Variants in PRR5L observed in about 807,000 individuals in gnomAD.
PRR5L encodes the protein proline-rich protein 5-like.
In PRR5L, 21 loss-of-function variants were observed where a neutral mutation model predicts 36.4. The ratio of observed to expected loss-of-function variants is 0.58; its 90% CI spans 0.41 to 0.83. The LOEUF is 0.83. PRR5L is among the 40% of genes least tolerant of loss of function. PRR5L has a pLI of 0.00. For synonymous variants in PRR5L, 188 were observed against 197.0 expected (o/e 0.95, Z 0.38); for missense variants, 381 against 473.3 (o/e 0.80, Z 1.81).
intron 8 of PRR5L, among the ~76,000 whole-genome samples, chr11:36,461,227 G>A (rs1859171139): frequency 2.6e-5 from 4 of 152,188 alleles, no homozygotes; most frequent in Admixed American, 2.0e-4. Flanking sequence ...CTGGAAAGTG[G>A]AAACTGATAC....
intron 1 of PRR5L, chr11:36,375,944 C>T (rs1857250314): frequency 5.5e-6 from 2 of 363,840 alleles, no homozygotes; most frequent in African/African-American, 2.1e-5. Flanking sequence ...TCTTCAGCTC[C>T]GCCCTGCTCC....
At chr11:36,406,138 C>G (rs567723799) in intron 3 of PRR5L, among the ~76,000 whole-genome samples, 3 of 151,442 alleles carry the variant, frequency 2.0e-5, no homozygotes, top group African/African-American at 7.3e-5. Flanking sequence ...TTCCCGAGGT[C>G]TCTGTGAGCC....
intron 1 of PRR5L, among the ~76,000 whole-genome samples, chr11:36,310,057 T>C (rs1415485480): frequency 7.0e-5 from 2 of 28,650 alleles, no homozygotes; most frequent in East Asian, 1.6e-3. Context: ...TTGTGTCCTC[T>C]CAAAAGAACA....
chr11:36,434,547 T>A (rs1045447328), intron 5 of PRR5L, among the ~76,000 whole-genome samples: 1 of 152,210 alleles, frequency 6.6e-6, no homozygotes, highest in South Asian at 2.1e-4. Context: ...GAAGATGCCA[T>A]GTTAACTTCA....
chr11:36,376,062 C>A, intron 1 of PRR5L: 2 of 931,888 alleles, frequency 2.1e-6, no homozygotes, highest in Non-Finnish European at 3.0e-6. Flanking sequence ...GTGAGAGAAA[C>A]GCAAGCACGG....
chr11:36,360,171 G>GCTA (rs931664807), intron 1 of PRR5L, among the ~76,000 whole-genome samples: 4 of 151,774 alleles, frequency 2.6e-5, no homozygotes, highest in Non-Finnish European at 5.9e-5. Flanking sequence ...ATGAAATATT[G>GCTA]CTACCTTGTG....
chr11:36,449,349 C>G (rs1858897581), intron 7 of PRR5L, among the ~76,000 whole-genome samples: 1 of 152,216 alleles, frequency 6.6e-6, no homozygotes, highest in Non-Finnish European at 1.5e-5. Context: ...TTTTTCAAAA[C>G]TACCTGACCC....
At chr11:36,348,422 C>T (rs1365885794) in intron 1 of PRR5L, among the ~76,000 whole-genome samples, 1 of 152,104 alleles carries the variant, frequency 6.6e-6, no homozygotes, top group Non-Finnish European at 1.5e-5. Context: ...AGTTCCCTGC[C>T]TCACCTTTCT....
intron 1 of PRR5L, among the ~76,000 whole-genome samples, chr11:36,319,442 G>T (rs1411882452): frequency 6.6e-6 from 1 of 152,228 alleles, no homozygotes; most frequent in Non-Finnish European, 1.5e-5. Flanking sequence ...CTAAGTCAGG[G>T]ATTGGCAAAC....
At chr11:36,431,283 T>G (rs890264) in intron 4 of PRR5L, among the ~76,000 whole-genome samples, 135,290 of 152,084 alleles carry the variant, frequency 0.89, 60,300 homozygotes, top group Middle Eastern at 0.93. Flanking sequence ...AGGATATAAA[T>G]CTTATGATGT....
At chr11:36,401,557 T>C (rs986268402) in intron 2 of PRR5L, among the ~76,000 whole-genome samples, 1 of 152,102 alleles carries the variant, frequency 6.6e-6, no homozygotes, top group Non-Finnish European at 1.5e-5. Context: ...CCCGAGTAGC[T>C]GGGACTACAG....
intron 1 of PRR5L, among the ~76,000 whole-genome samples, chr11:36,367,000 T>C (rs2133507593): frequency 6.6e-6 from 1 of 152,330 alleles, no homozygotes; most frequent in East Asian, 1.9e-4. Context: ...ATATATCCAA[T>C]GCAGACTGCT....
At chr11:36,427,593 C>A (rs1343058182) in intron 4 of PRR5L, among the ~76,000 whole-genome samples, 1 of 152,164 alleles carries the variant, frequency 6.6e-6, no homozygotes, top group African/African-American at 2.4e-5. Context: ...GAAGAACAAA[C>A]AATGCAAGAT....
chr11:36,297,523 G>A (rs922894263), intron 1 of PRR5L: 1 of 152,112 alleles, frequency 6.6e-6, no homozygotes, highest in Non-Finnish European at 1.5e-5. Flanking sequence ...AAATACACAG[G>A]ACTCATGGTA....
intron 1 of PRR5L, among the ~76,000 whole-genome samples, chr11:36,399,628 A>T (rs61877385): frequency 1.0e-3 from 157 of 152,384 alleles, no homozygotes; most frequent in Middle Eastern, 3.4e-3. Flanking sequence ...TAGCAGAGTT[A>T]GCTGGTGAGA....
intron 1 of PRR5L, among the ~76,000 whole-genome samples, chr11:36,323,019 C>A (rs898331643): frequency 6.6e-6 from 1 of 152,156 alleles, no homozygotes; most frequent in Non-Finnish European, 1.5e-5. Flanking sequence ...TAGAGCATAT[C>A]CCTGTGCACA....
intron 1 of PRR5L, among the ~76,000 whole-genome samples, chr11:36,310,817 T>G (rs1856493455): frequency 6.6e-6 from 1 of 151,812 alleles, no homozygotes; most frequent in Non-Finnish European, 1.5e-5. Context: ...GCGAACATGG[T>G]GAAACCCCGT....
intron 1 of PRR5L, among the ~76,000 whole-genome samples, chr11:36,352,424 T>C (rs971724209): frequency 6.6e-6 from 1 of 152,242 alleles, no homozygotes; most frequent in African/African-American, 2.4e-5. Flanking sequence ...TTTCTTTTGC[T>C]ATGCAGAAGC....
rs1859220582 is a variant in PRR5L, at chr11:36,462,802, G to A, written c.*66G>A. 3.6e-6 allele frequency: 5 copies of A among 1,405,094 alleles called. No individual in the cohort carries two copies. The South Asian group carries it at 7.2e-5, about 20-fold the overall frequency. 87.0% of individuals were successfully genotyped at this position (1,405,094 alleles called of 1,614,324 possible). ...AGGATGAGGACCCCTCCATCTCCGT[G>A]GATTACTGAGGGGGGCTCTTGCTTT... On this transcript the variant is annotated 3_prime_UTR_variant, in exon 9 of 9. Coordinates refer to ENST00000530639, the MANE Select transcript of PRR5L (RefSeq NM_001160167.2).
Sources: gnomAD v4.1 joint callset for allele counts (sites outside exome capture counted in the v4.1 genomes callset) on GRCh38, gnomAD v4.1.1 for gene constraint, MANE v1.5 for transcripts, NCBI Gene and HGNC (gene_info 2026-07-23, HGNC 2026-07-21) for gene names.